SOX5: variants seen among roughly 807,000 people sequenced by gnomAD.
SOX5 encodes the protein transcription factor SOX-5.
In SOX5, 9 loss-of-function variants were observed where a neutral mutation model predicts 92.0. The ratio of observed to expected loss-of-function variants is 0.10; its 90% CI spans 0.06 to 0.17. The LOEUF is 0.17. Ranked by LOEUF, SOX5 falls within the 10% of genes least tolerant of loss-of-function variation. The pLI is 1.00. For synonymous variants in SOX5, 344 were observed against 336.3 expected (o/e 1.02, Z -0.25); for missense variants, 642 against 944.5 (o/e 0.68, Z 4.20).
intron 4 of SOX5, among the ~76,000 whole-genome samples, chr12:24,022,586 T>C (rs1311158559): frequency 1.3e-5 from 2 of 152,128 alleles, no homozygotes; most frequent in Non-Finnish European, 2.9e-5. Flanking sequence ...AACAGTTCAC[T>C]GGTGTCCCTT....
At chr12:24,323,164 G>A (rs901588025) in intron 2 of SOX5, among the ~76,000 whole-genome samples, 1 of 151,780 alleles carries the variant, frequency 6.6e-6, no homozygotes, top group African/African-American at 2.4e-5. Context: ...TTCTAGTTAA[G>A]CCTTAAAATG....
At chr12:23,898,012 T>C (rs2097194627) in intron 1 of SOX5, among the ~76,000 whole-genome samples, 1 of 152,190 alleles carries the variant, frequency 6.6e-6, no homozygotes, top group African/African-American at 2.4e-5. Context: ...TCTAGTTTCA[T>C]TGGCAATACC....
At chr12:23,560,683 T>C (rs1946057497) in intron 11 of SOX5, among the ~76,000 whole-genome samples, 1 of 152,256 alleles carries the variant, frequency 6.6e-6, no homozygotes, top group African/African-American at 2.4e-5. Context: ...CCGTCTCTAA[T>C]ACATAGCATG....
intron 9 of SOX5, among the ~76,000 whole-genome samples, chr12:23,580,331 T>C (rs997291585): frequency 6.6e-6 from 1 of 152,058 alleles, no homozygotes; most frequent in Non-Finnish European, 1.5e-5. Flanking sequence ...GTCCTAACTA[T>C]ATAATTCTGT....
chr12:24,325,145 A>G (rs1950558655), intron 2 of SOX5, among the ~76,000 whole-genome samples: 1 of 152,032 alleles, frequency 6.6e-6, no homozygotes, highest in Non-Finnish European at 1.5e-5. Context: ...AATTATTTGT[A>G]AAAATAAGTT....
At chr12:23,830,365 T>A (rs1436135551) in intron 3 of SOX5, among the ~76,000 whole-genome samples, 2 of 152,118 alleles carry the variant, frequency 1.3e-5, no homozygotes, top group East Asian at 3.9e-4. Context: ...AGAGAGACAT[T>A]TTTCAGTGAC....
At chr12:24,288,766 C>A (rs534535382) in intron 2 of SOX5, among the ~76,000 whole-genome samples, 2 of 151,370 alleles carry the variant, frequency 1.3e-5, no homozygotes, top group Admixed American at 1.3e-4. Flanking sequence ...AAAAAAAAAA[C>A]GTGGTGAGGA....
At chr12:23,811,752 CT>C in intron 3 of SOX5, among the ~76,000 whole-genome samples, 1 of 152,036 alleles carries the variant, frequency 6.6e-6, no homozygotes, top group East Asian at 1.9e-4. Context: ...GGATGAAGTA[CT>C]TTATGGGAAA....
intron 11 of SOX5, among the ~76,000 whole-genome samples, chr12:23,558,728 G>A (rs1295330464): frequency 2.0e-5 from 3 of 152,152 alleles, no homozygotes; most frequent in African/African-American, 4.8e-5. Flanking sequence ...TCAGCCTCTT[G>A]AGTAGCTGGG....
chr12:24,512,432 T>C (rs1949407407), intron 1 of SOX5, among the ~76,000 whole-genome samples: 1 of 152,268 alleles, frequency 6.6e-6, no homozygotes, highest in Non-Finnish European at 1.5e-5. Context: ...TCTTATTTTA[T>C]TTCCAGAGAT....
chr12:24,022,670 T>G (rs1040395395), intron 4 of SOX5, among the ~76,000 whole-genome samples: 2 of 152,050 alleles, frequency 1.3e-5, no homozygotes, highest in African/African-American at 2.4e-5. Context: ...CTGATTCAGT[T>G]TTATATTACT....
intron 1 of SOX5, among the ~76,000 whole-genome samples, chr12:23,927,891 A>G (rs1040845745): frequency 3.3e-5 from 5 of 152,056 alleles, no homozygotes; most frequent in African/African-American, 1.2e-4. Context: ...GTCACAAATA[A>G]GCTCACCTTG....
In SOX5 at chr12:23,602,700, T is replaced by G. The variant is rs146093064; in HGVS notation, c.1164+1687A>C. Among the ~76,000 whole-genome samples, 428 of 152,144 alleles carry G rather than the reference T, an allele frequency of 2.8e-3. 1 individual carries two copies. Among genetic ancestry groups the G allele is most frequent in the African/African-American group, 1.0e-2 (415 of 41,538 alleles). ...GAGAATAATACCTCACAGACACACA[T>G]TGTCTGTGTGTGACAATGACTATGC... On this transcript the variant is annotated intron_variant, in intron 9 of 14. Coordinates refer to ENST00000451604, the MANE Select transcript of SOX5 (RefSeq NM_006940.6).
chr12:23,892,577 AAAGT>A (rs2097139367), intron 2 of SOX5, among the ~76,000 whole-genome samples: 1 of 152,248 alleles, frequency 6.6e-6, no homozygotes, highest in Admixed American at 6.5e-5. Context: ...GTGGAAGTTG[AAAGT>A]AAGTTTGGAA....
At chr12:24,337,092 T>C (rs1952002725) in intron 2 of SOX5, among the ~76,000 whole-genome samples, 1 of 152,274 alleles carries the variant, frequency 6.6e-6, no homozygotes, top group Non-Finnish European at 1.5e-5. Context: ...AAGGAGACCG[T>C]CAAATTACCA....
chr12:24,530,803 G>A (rs1474625713), intron 1 of SOX5, among the ~76,000 whole-genome samples: 1 of 150,916 alleles, frequency 6.6e-6, no homozygotes, highest in Non-Finnish European at 1.5e-5. Context: ...AACACTCTCT[G>A]TTGAACCTAC....
chr12:24,403,425 C>A (rs536453835), intron 1 of SOX5, among the ~76,000 whole-genome samples: 2 of 152,068 alleles, frequency 1.3e-5, no homozygotes, highest in African/African-American at 4.8e-5. Flanking sequence ...CAGTAAAGCT[C>A]GGTTGAATGA....
chr12:23,885,100 C>T (rs1347718146), intron 2 of SOX5, among the ~76,000 whole-genome samples: 1 of 152,174 alleles, frequency 6.6e-6, no homozygotes, highest in Non-Finnish European at 1.5e-5. Context: ...GCCACTGTCA[C>T]AAGGCCTGAA....
At chr12:24,486,937 C>T (rs1946584467) in intron 1 of SOX5, among the ~76,000 whole-genome samples, 1 of 152,106 alleles carries the variant, frequency 6.6e-6, no homozygotes. Flanking sequence ...GAATTTGCAC[C>T]CTGATACTGG....
Sources: allele counts gnomAD v4.1 joint callset (sites outside exome capture counted in the v4.1 genomes callset), GRCh38; gene constraint gnomAD v4.1.1; transcripts MANE v1.5; gene names NCBI Gene and HGNC (gene_info 2026-07-23, HGNC 2026-07-21).